The following EPHA10 variants were observed in gnomAD, a reference collection of about 807,000 sequenced individuals.
The protein encoded by EPHA10 is EPH receptor A10.
In EPHA10, 120 loss-of-function variants were observed where a neutral mutation model predicts 109.7. That is an observed-to-expected ratio of 1.09 (90% CI 0.94 to 1.27). EPHA10 has a LOEUF of 1.27. EPHA10 is among the 50% of genes most tolerant of loss of function. The pLI, the probability that EPHA10 is intolerant of heterozygous loss-of-function variation, is 0.00. For synonymous variants in EPHA10, 640 were observed against 618.9 expected (o/e 1.03, Z -0.51); for missense variants, 1,396 against 1,411.1 (o/e 0.99, Z 0.17).
At position 37,723,130 on chromosome 1, in the gene EPHA10, T is replaced by G. The variant is rs1645828112; in HGVS notation, c.1871A>C (p.Gln624Pro). Residue 624 changes from glutamine (Q) to proline (P), a missense_variant, in exon 10 of 17, where the codon CAG becomes CCG. By Grantham distance (76) the Gln-to-Pro change is moderately conservative. Transcript: ENST00000373048. ...AGCCTGCAGCAGGTCCCCACAGCTC[T>G]GGGGGTCCAGGAATGTGCGACGTGT... is the stretch of plus-strand genomic sequence containing the variant. ...VPTRRTFLDP[Q>P]SCGDLLQAVH... 1 of 1,614,130 alleles carries G rather than the reference T, an allele frequency of 6.2e-7. No individual in the cohort carries two copies.
At chr1:37,746,095 T>C (rs1646236323) in intron 5 of EPHA10, among the ~76,000 whole-genome samples, 1 of 132,744 alleles carries the variant, frequency 7.5e-6, no homozygotes, top group Non-Finnish European at 1.6e-5. Flanking sequence ...CCTTTTCTTT[T>C]CTTTTCTTTT....
rs748175541 is a variant in EPHA10 at position 37,719,534 on chromosome 1, A to C, written c.2636T>G (p.Met879Arg). The C allele has an allele frequency of 2.5e-6, 4 of 1,613,936 alleles. No homozygotes were observed. The highest frequency in any genetic ancestry group is 3.3e-5 in the Admixed American group (2 of 59,998). Residue 879 changes from methionine (M) to arginine (R), a missense_variant, in exon 15 of 17, where the codon ATG becomes AGG. Coordinates refer to ENST00000373048, the MANE Select transcript of EPHA10 (RefSeq NM_001099439.2). Reference protein sequence around the residue: ...RNCPNLLHRLMLDCWQKDPGE... With the variant: ...RNCPNLLHRLRLDCWQKDPGE... ...TGGGTCCTTCTGCCAGCAGTCGAGC[A>C]TTAGTCGGTGCAGAAGGTTAGGACA...
At position 37,721,663 on chromosome 1, in the gene EPHA10, G is replaced by C. The variant is rs764030792; in HGVS notation, c.2143C>G (p.Arg715Gly). 1 of 1,602,578 alleles carries C rather than the reference G, an allele frequency of 6.2e-7. No homozygotes were observed. Among genetic ancestry groups the C allele is most frequent in the Non-Finnish European group, 8.5e-7 (1 of 1,173,890 alleles). ...GGAAGGGAGCACCGGGCCCTACCTC[G>C]GGTAACAACGCCCTCCAGCCGCACG... ...HIVRLEGVVTRGSTLMIVTEY... is the reference protein window; with the variant it reads ...HIVRLEGVVTGGSTLMIVTEY... The change falls in exon 11 of 17, where the codon CGA becomes GGA. Residue 715 changes from arginine (R) to glycine (G), a missense_variant. Arg to Gly is a moderately radical substitution (Grantham distance 125). Transcript: ENST00000373048.
At chr1:37,721,357 G>C (rs547101546) in intron 11 of EPHA10, among the ~76,000 whole-genome samples, 1 of 149,104 alleles carries the variant, frequency 6.7e-6, no homozygotes, top group Non-Finnish European at 1.5e-5. Flanking sequence ...GATCCCAGGA[G>C]GCAGAGCTTG....
rs1387890331 is a variant in EPHA10 at position 37,716,727 on chromosome 1, C to T, written c.*1645G>A. On this transcript the variant is annotated 3_prime_UTR_variant, in exon 17 of 17. Coordinates refer to ENST00000373048, the MANE Select transcript of EPHA10 (RefSeq NM_001099439.2). The stretch of plus-strand genomic sequence containing the variant: ...CCTCTCTGCATGGACTCCTTTTGTC[C>T]GAGGCCTGCCATCTTGCCTGCCGAA... The T allele has an allele frequency of 3.9e-5, 9 of 232,774 alleles. No individual in the cohort carries two copies. The highest frequency in any genetic ancestry group is 1.3e-4 in the African/African-American group (6 of 45,268). The allele number at this position is 232,774 out of a possible 1,614,324, so 14.4% of individuals were successfully genotyped here.
At chr1:37,726,624 A>G (rs6686248) in intron 8 of EPHA10, among the ~76,000 whole-genome samples, 32,290 of 152,148 alleles carry the variant, frequency 0.21, 3,533 homozygotes, top group Middle Eastern at 0.27. Context: ...CCCTCCTGCA[A>G]GCTTCTTTCT....
intron 8 of EPHA10, among the ~76,000 whole-genome samples, chr1:37,725,181 G>A (rs1257822286): frequency 1.3e-5 from 2 of 152,216 alleles, no homozygotes; most frequent in African/African-American, 2.4e-5. Context: ...AAGACAGGGT[G>A]TCTGCAGACC....
At chr1:37,736,476 C>CA (rs543417433) in intron 5 of EPHA10, among the ~76,000 whole-genome samples, 2,963 of 57,548 alleles carry the variant, frequency 0.051, 250 homozygotes, top group East Asian at 0.21. Context: ...AATTCTGTCT[C>CA]AAAAAAAAAA....
chr1:37,732,771 C>T (rs1287770372), intron 6 of EPHA10, among the ~76,000 whole-genome samples: 1 of 151,062 alleles, frequency 6.6e-6, no homozygotes, highest in African/African-American at 2.4e-5. Context: ...GCCAGACACC[C>T]GCCCAGGTCC....
rs185929465 is a variant in EPHA10 at position 37,734,580 on chromosome 1, G to A, written c.1491+677C>T. 2.9e-5 allele frequency: 13 copies of A among 453,442 alleles called. No homozygotes were observed. The East Asian group carries it at 7.0e-4, about 24-fold the overall frequency. The allele number at this position is 453,442 out of a possible 1,614,324, so 28.1% of individuals were successfully genotyped here. Reference sequence around the variant, plus strand: ...TAAATAATAAAGGTAATAAACTTACGGGGAAAAGAGCAGATTGGGATGTGA... The same window carrying A: ...TAAATAATAAAGGTAATAAACTTACAGGGAAAAGAGCAGATTGGGATGTGA... On this transcript the variant is annotated intron_variant, in intron 6 of 16. Transcript: ENST00000373048.
In EPHA10 at chr1:37,718,199, T is replaced by C. The variant is rs2148300762; in HGVS notation, c.*173A>G. On this transcript the variant is annotated 3_prime_UTR_variant, in exon 17 of 17. Transcript: ENST00000373048. ...GCCAAGGCGTTCAGACTCGTGAAAA[T>C]GGGAGGGGCAGGCAGTGAAAGCGGG... The C allele has an allele frequency of 3.2e-6, 2 of 621,152 alleles. No homozygotes were observed. The highest frequency in any genetic ancestry group is 5.7e-6 in the Non-Finnish European group (2 of 350,218). 38.5% of individuals were successfully genotyped at this position (621,152 alleles called of 1,614,324 possible). A position where few individuals can be genotyped will look rare whatever the true frequency, so the allele number is the denominator to read the frequency against.
intron 3 of EPHA10, among the ~76,000 whole-genome samples, chr1:37,758,287 T>G (rs1332777908): frequency 1.3e-5 from 2 of 152,182 alleles, no homozygotes; most frequent in East Asian, 3.8e-4. Flanking sequence ...CCAGTGGCTC[T>G]TTGTCCTTCC....
chr1:37,753,706 G>GCT (rs1243937628), intron 4 of EPHA10, among the ~76,000 whole-genome samples: 2 of 100,116 alleles, frequency 2.0e-5, no homozygotes, highest in African/African-American at 6.6e-5. Context: ...GGGAGCAGGG[G>GCT]TGAGTGGGAG....
At position 37,761,637 on chromosome 1, in the gene EPHA10, G is replaced by A. The variant is rs1354182759; in HGVS notation, c.618C>T (p.Val206=). ...CGGTGGCGCGGCACTGCTTGTAGTA[G>A]ACGCGCACCGAGACAAGCGCCACGC... The part of the protein sequence containing the change: ...GACVALVSVR[V]YYKQCRATVR... The change falls in exon 3 of 17, where the codon GTC becomes GTT. Residue 206 remains valine, a synonymous_variant. Transcript: ENST00000373048. The A allele has an allele frequency of 2.5e-6, 4 of 1,605,350 alleles. No homozygotes were observed. Among genetic ancestry groups the A allele is most frequent in the African/African-American group, 2.7e-5 (2 of 74,938 alleles).
rs1212086567 is a variant in EPHA10, at chr1:37,761,778, C to T, written c.477G>A (p.Glu159=). ...PRKIDTIAAD[E]SFTQGDLGER... is the part of the protein sequence containing the mutation. ...CACCCAGGTCGCCCTGCGTGAAGCTCTCGTCCGCCGCGATCGTGTCGATTT... is the reference window on the plus strand; with the variant it reads ...CACCCAGGTCGCCCTGCGTGAAGCTTTCGTCCGCCGCGATCGTGTCGATTT... Residue 159 remains glutamate, a synonymous_variant, in exon 3 of 17, where the codon GAG becomes GAA. Coordinates refer to ENST00000373048, the MANE Select transcript of EPHA10 (RefSeq NM_001099439.2). 3 of 1,613,830 alleles carry T rather than the reference C, an allele frequency of 1.9e-6. No homozygotes were observed. Among genetic ancestry groups the T allele is most frequent in the South Asian group, 1.1e-5 (1 of 91,066 alleles).
chr1:37,724,713 G>A (rs1645858386), intron 8 of EPHA10, among the ~76,000 whole-genome samples: 2 of 152,192 alleles, frequency 1.3e-5, no homozygotes. Context: ...AGATACAGAT[G>A]GGAAGGAGGA....
At position 37,716,014 on chromosome 1, in the gene EPHA10, A is replaced by G. The variant is rs1434889064; in HGVS notation, c.*2358T>C. ...TTTATTATCCTGCATAGAGAACCCA[A>G]GAAATATAAAAACATCTCCAGAAGG... On this transcript the variant is annotated 3_prime_UTR_variant, in exon 17 of 17. Transcript: ENST00000373048. 1 of 581,806 alleles carries G rather than the reference A, an allele frequency of 1.7e-6. No homozygotes were observed. The highest frequency in any genetic ancestry group is 1.8e-5 in the African/African-American group (1 of 54,746). 36.0% of individuals were successfully genotyped at this position (581,806 alleles called of 1,614,324 possible).
rs761405544 is a variant in EPHA10 at position 37,752,967 on chromosome 1, G to A, written c.1266C>T (p.Thr422=). The A allele has an allele frequency of 7.9e-7, 1 of 1,258,566 alleles. No homozygotes were observed. The highest frequency in any genetic ancestry group is 2.7e-5 in the South Asian group (1 of 37,248). The allele number at this position is 1,258,566 out of a possible 1,614,324, so 78.0% of individuals were successfully genotyped here. A position where few individuals can be genotyped will look rare whatever the true frequency, so the allele number is the denominator to read the frequency against. Residue 422 remains threonine (T), a synonymous_variant, in exon 5 of 17, where the codon ACC becomes ACT. Coordinates refer to ENST00000373048, the MANE Select transcript of EPHA10 (RefSeq NM_001099439.2). ...LLHLRPGARY[T]VRVAALNGVS... ...CGCCGTTGAGCGCGGCCACGCGCAC[G>A]GTGTAGCGCGCGCCGGGCCGCAGGT...
chr1:37,744,199 ATAAAT>A (rs1557549744), intron 5 of EPHA10, among the ~76,000 whole-genome samples: 1 of 152,144 alleles, frequency 6.6e-6, no homozygotes, highest in Non-Finnish European at 1.5e-5. Context: ...GAAGAAATAA[ATAAAT>A]TTGACTTCAT....
Sources: allele counts gnomAD v4.1 joint callset (sites outside exome capture counted in the v4.1 genomes callset), GRCh38; gene constraint gnomAD v4.1.1; transcripts MANE v1.5; gene names NCBI Gene and HGNC (gene_info 2026-07-23, HGNC 2026-07-21).